GAB2: variants seen among roughly 807,000 people sequenced by gnomAD.
GAB2 encodes the protein GRB2 associated binding protein 2.
GAB2 carries 26 observed loss-of-function variants against 65.5 expected under a neutral mutation model. That is an observed-to-expected ratio of 0.40 (90% CI 0.29 to 0.55). The LOEUF (loss-of-function observed/expected upper bound fraction) is 0.55. Ranked by LOEUF, GAB2 falls within the 20% of genes least tolerant of loss-of-function variation. The pLI, the probability that GAB2 is intolerant of heterozygous loss-of-function variation, is 0.53. For missense variants in GAB2, 884 were observed against 875.8 expected, an observed-to-expected ratio of 1.01 and a Z score of -0.12; for synonymous variants, 321 against 329.6, an observed-to-expected ratio of 0.97 and a Z score of 0.28.
chr11:78,330,768 T>G lies in GAB2; in HGVS notation c.76-49867A>C, dbSNP rs367929860. On this transcript the variant is annotated intron_variant, in intron 1 of 9. Coordinates refer to ENST00000361507, the MANE Select transcript of GAB2 (RefSeq NM_080491.3). ...TGGGTGCTTCCCATATGTTATTTTC[T>G]TAATGGAAATATTTTTCTTCCCATA... is the stretch of plus-strand genomic sequence containing the variant. 1.2e-4 allele frequency among the ~76,000 whole-genome samples: 19 copies of G among 152,342 alleles called. No individual in the cohort carries two copies. In the East Asian group the frequency reaches 1.5e-3, roughly 12 times the overall value.
chr11:78,312,527 G>T (rs1855522030), intron 1 of GAB2, among the ~76,000 whole-genome samples: 1 of 152,200 alleles, frequency 6.6e-6, no homozygotes, highest in African/African-American at 2.4e-5. Flanking sequence ...GCTGTTTCAA[G>T]CAATTCCCCT....
At chr11:78,314,766 A>T (rs746320888) in intron 1 of GAB2, among the ~76,000 whole-genome samples, 2 of 152,230 alleles carry the variant, frequency 1.3e-5, no homozygotes, top group Non-Finnish European at 2.9e-5. Context: ...TATGCAAAGG[A>T]ACAAAAACTG....
chr11:78,351,635 C>T (rs1856279872), intron 1 of GAB2, among the ~76,000 whole-genome samples: 1 of 152,146 alleles, frequency 6.6e-6, no homozygotes, highest in Non-Finnish European at 1.5e-5. Flanking sequence ...GAAATAGTCT[C>T]ACATTGTACA....
At chr11:78,329,823 G>A (rs557834779) in intron 1 of GAB2, among the ~76,000 whole-genome samples, 99 of 152,290 alleles carry the variant, frequency 6.5e-4, no homozygotes, top group African/African-American at 2.1e-3. Flanking sequence ...TGGTATGTAC[G>A]ATAGGTTGGC....
chr11:78,277,066 C>G (rs1478935920), intron 2 of GAB2, among the ~76,000 whole-genome samples: 1 of 152,074 alleles, frequency 6.6e-6, no homozygotes, highest in African/African-American at 2.4e-5. Context: ...ATCTGCCCAC[C>G]TCGGCCTCCC....
chr11:78,317,558 C>CAA (rs370515492), intron 1 of GAB2, among the ~76,000 whole-genome samples: 1,053 of 57,288 alleles, frequency 0.018, 57 homozygotes, highest in African/African-American at 0.047. Context: ...GACTCCGTCT[C>CAA]AAAAAAAAAA....
At chr11:78,368,163 T>C (rs558864312) in intron 1 of GAB2, among the ~76,000 whole-genome samples, 1 of 152,326 alleles carries the variant, frequency 6.6e-6, no homozygotes, top group East Asian at 1.9e-4. Flanking sequence ...CAGCACTTAC[T>C]GGCCACATCC....
intron 1 of GAB2, among the ~76,000 whole-genome samples, chr11:78,322,016 A>G (rs1447890130): frequency 6.6e-6 from 1 of 152,068 alleles, no homozygotes; most frequent in Non-Finnish European, 1.5e-5. Flanking sequence ...CTTAAATGCA[A>G]GATCTCAGCT....
intron 2 of GAB2, among the ~76,000 whole-genome samples, chr11:78,263,428 T>TA (rs1565132043): frequency 6.6e-6 from 1 of 152,034 alleles, no homozygotes; most frequent in Non-Finnish European, 1.5e-5. Flanking sequence ...GGTCAGGAGA[T>TA]AAAGACAATC....
intron 3 of GAB2, among the ~76,000 whole-genome samples, chr11:78,247,115 G>C (rs943615612): frequency 6.6e-6 from 1 of 152,168 alleles, no homozygotes; most frequent in African/African-American, 2.4e-5. Context: ...CATTTGCACT[G>C]TGCTACTTTG....
intron 6 of GAB2, 142 bp from the exon 7 acceptor site, chr11:78,222,337 G>T: frequency 1.6e-6 from 1 of 633,844 alleles, no homozygotes; most frequent in Non-Finnish European, 2.9e-6. Flanking sequence ...GCTCAGCGAG[G>T]TTGTATAATC....
chr11:78,290,516 G>A (rs191664540), intron 1 of GAB2, among the ~76,000 whole-genome samples: 1 of 152,314 alleles, frequency 6.6e-6, no homozygotes, highest in East Asian at 1.9e-4. Context: ...CTTCAAGCAT[G>A]TAGAATGAGG....
chr11:78,247,692 TAAAA>T (rs1239167568), intron 3 of GAB2, among the ~76,000 whole-genome samples: 3 of 152,186 alleles, frequency 2.0e-5, no homozygotes, highest in Non-Finnish European at 2.9e-5. Context: ...TTCAGGGCCT[TAAAA>T]AAGTTATTTT....
intron 1 of GAB2, among the ~76,000 whole-genome samples, chr11:78,345,570 A>C (rs1177854512): frequency 6.6e-6 from 1 of 152,198 alleles, no homozygotes; most frequent in Non-Finnish European, 1.5e-5. Context: ...TCTCAAGGCT[A>C]CCTGAATAAT....
intron 2 of GAB2, among the ~76,000 whole-genome samples, chr11:78,266,294 G>C (rs1233976387): frequency 1.4e-5 from 2 of 147,630 alleles, no homozygotes; most frequent in Non-Finnish European, 3.0e-5. Context: ...GTGATCTAAA[G>C]AGGAATAAGA....
At chr11:78,271,344 G>C (rs1866004605) in intron 2 of GAB2, among the ~76,000 whole-genome samples, 1 of 152,198 alleles carries the variant, frequency 6.6e-6, no homozygotes, top group Admixed American at 6.5e-5. Flanking sequence ...CACAAAATAA[G>C]CAAAAATAAA....
At chr11:78,241,839 A>G (rs1191675759) in intron 3 of GAB2, among the ~76,000 whole-genome samples, 1 of 152,258 alleles carries the variant, frequency 6.6e-6, no homozygotes, top group Non-Finnish European at 1.5e-5. Flanking sequence ...AGGGAGAGAC[A>G]GACTCTAATA....
intron 5 of GAB2, among the ~76,000 whole-genome samples, chr11:78,224,760 C>A (rs1471648986): frequency 3.9e-5 from 6 of 152,108 alleles, no homozygotes; most frequent in African/African-American, 9.7e-5. Flanking sequence ...GAGTCTCACA[C>A]TGCAGCCTCC....
intron 1 of GAB2, among the ~76,000 whole-genome samples, chr11:78,297,434 T>G (rs556056901): frequency 1.3e-5 from 2 of 152,088 alleles, no homozygotes; most frequent in African/African-American, 4.8e-5. Flanking sequence ...TACAAATTCA[T>G]GGAAAACACT....
Sources: allele counts gnomAD v4.1 joint callset (sites outside exome capture counted in the v4.1 genomes callset), GRCh38; gene constraint gnomAD v4.1.1; transcripts MANE v1.5; gene names NCBI Gene and HGNC (gene_info 2026-07-23, HGNC 2026-07-21).